NBEA: variants seen among roughly 807,000 people sequenced by gnomAD.
NBEA encodes lysosomal-trafficking regulator 2.
In NBEA, 44 loss-of-function variants were observed where a neutral mutation model predicts 343.4. The ratio of observed to expected loss-of-function variants is 0.13; its 90% CI spans 0.10 to 0.16. The LOEUF (loss-of-function observed/expected upper bound fraction) is 0.16, where lower values mean the gene tolerates loss of function less well. Ranked by LOEUF, NBEA falls within the 10% of genes least tolerant of loss-of-function variation. The probability of loss-of-function intolerance (pLI) is 1.00; values close to 1 mark genes in which losing one functional copy is unlikely to be tolerated. For synonymous variants in NBEA, 1,175 were observed against 1,238.7 expected (o/e 0.95, Z 1.08); for missense variants, 2,555 against 3,631.3 (o/e 0.70, Z 7.62).
At chr13:35,234,792 A>G (rs976078752) in intron 34 of NBEA, among the ~76,000 whole-genome samples, 2 of 152,196 alleles carry the variant, frequency 1.3e-5, no homozygotes, top group African/African-American at 4.8e-5. Flanking sequence ...GTTACCTAGC[A>G]TAGACATCTA....
chr13:35,203,368 C>T (rs2073149758), intron 31 of NBEA, among the ~76,000 whole-genome samples: 1 of 152,100 alleles, frequency 6.6e-6, no homozygotes, highest in African/African-American at 2.4e-5. Context: ...ATTCTTTCAC[C>T]CCCTTCAGTG....
At chr13:34,976,536 A>C (rs1163422966) in intron 1 of NBEA, among the ~76,000 whole-genome samples, 1 of 152,206 alleles carries the variant, frequency 6.6e-6, no homozygotes, top group Non-Finnish European at 1.5e-5. Context: ...TTATTTATGT[A>C]ACTCAACATC....
chr13:35,143,293 A>G (rs1312943244), intron 18 of NBEA, among the ~76,000 whole-genome samples: 3 of 152,204 alleles, frequency 2.0e-5, no homozygotes, highest in African/African-American at 7.2e-5. Flanking sequence ...TGCTCTCCTC[A>G]CCTTGCACTG....
At chr13:35,615,187 C>A (rs1448074841) in intron 48 of NBEA, among the ~76,000 whole-genome samples, 1 of 147,344 alleles carries the variant, frequency 6.8e-6, no homozygotes, top group African/African-American at 2.5e-5. Context: ...GTCCCAGTTA[C>A]TCGGGAGGCT....
chr13:35,006,681 A>T (rs531730023), intron 1 of NBEA, among the ~76,000 whole-genome samples: 17 of 152,222 alleles, frequency 1.1e-4, no homozygotes, highest in African/African-American at 3.9e-4. Flanking sequence ...GCAATTTTTA[A>T]ATTTTTCCTT....
chr13:35,311,482 C>A (rs1175914403), intron 36 of NBEA, among the ~76,000 whole-genome samples: 1 of 151,952 alleles, frequency 6.6e-6, no homozygotes, highest in African/African-American at 2.4e-5. Flanking sequence ...ATGCTTTTGT[C>A]AGTCAGTGGT....
intron 46 of NBEA, among the ~76,000 whole-genome samples, chr13:35,588,370 G>A (rs1386552716): frequency 4.6e-5 from 7 of 152,028 alleles, no homozygotes; most frequent in South Asian, 2.1e-4. Context: ...AATAGAAAAT[G>A]CATTAAAATT....
intron 1 of NBEA, among the ~76,000 whole-genome samples, chr13:34,999,281 T>G (rs1291286646): frequency 6.6e-6 from 1 of 152,168 alleles, no homozygotes; most frequent in Admixed American, 6.6e-5. Flanking sequence ...GTGTACAGTG[T>G]GTAGTAATCA....
At chr13:34,975,456 C>T (rs1157142360) in intron 1 of NBEA, among the ~76,000 whole-genome samples, 1 of 152,038 alleles carries the variant, frequency 6.6e-6, no homozygotes, top group Non-Finnish European at 1.5e-5. Flanking sequence ...ATACTTGAAA[C>T]TAAGACCTGA....
chr13:35,367,087 A>G (rs1007494765), intron 38 of NBEA, among the ~76,000 whole-genome samples: 9 of 151,314 alleles, frequency 5.9e-5, no homozygotes, highest in African/African-American at 2.2e-4. Flanking sequence ...AAAGTATGCT[A>G]TATAATGTGA....
chr13:35,545,895 A>G (rs1383655731), intron 41 of NBEA, among the ~76,000 whole-genome samples: 1 of 152,232 alleles, frequency 6.6e-6, no homozygotes, highest in Non-Finnish European at 1.5e-5. Context: ...TTGGTGGACT[A>G]TACCATTAGG....
intron 41 of NBEA, among the ~76,000 whole-genome samples, chr13:35,522,664 A>G (rs2152993470): frequency 6.6e-6 from 1 of 152,006 alleles, no homozygotes; most frequent in African/African-American, 2.4e-5. Flanking sequence ...GGTGAGCAGC[A>G]GGCAAGGAAG....
At chr13:35,404,931 A>G (rs1189643117) in intron 38 of NBEA, among the ~76,000 whole-genome samples, 4 of 152,106 alleles carry the variant, frequency 2.6e-5, no homozygotes, top group Non-Finnish European at 5.9e-5. Context: ...GAAGAATAGC[A>G]TAGAACTTGG....
intron 38 of NBEA, among the ~76,000 whole-genome samples, chr13:35,385,214 G>A (rs1180123684): frequency 6.6e-6 from 1 of 151,994 alleles, no homozygotes; most frequent in African/African-American, 2.4e-5. Flanking sequence ...TGTATTACTT[G>A]TAGAGTACTT....
chr13:35,302,568 C>G (rs1199460029), intron 35 of NBEA, among the ~76,000 whole-genome samples: 1 of 152,074 alleles, frequency 6.6e-6, no homozygotes, highest in Non-Finnish European at 1.5e-5. Context: ...TGTGCCCCAG[C>G]CATATCATAT....
At chr13:35,019,051 G>GTT (rs879547494) in intron 1 of NBEA, among the ~76,000 whole-genome samples, 3 of 144,120 alleles carry the variant, frequency 2.1e-5, no homozygotes, top group African/African-American at 2.5e-5. Context: ...TGTCATTTGA[G>GTT]TTTTTTTTTT....
chr13:35,323,405 G>T (rs1344442401), intron 36 of NBEA, among the ~76,000 whole-genome samples: 1 of 152,054 alleles, frequency 6.6e-6, no homozygotes, highest in African/African-American at 2.4e-5. Context: ...ATGAGTTCAT[G>T]TCCTTTGTAG....
intron 48 of NBEA, among the ~76,000 whole-genome samples, chr13:35,614,331 C>A (rs1298838550): frequency 6.6e-6 from 1 of 152,088 alleles, no homozygotes; most frequent in Non-Finnish European, 1.5e-5. Flanking sequence ...AGTTTATCAT[C>A]CTGAGTACCC....
chr13:35,390,451 A>G (rs768737106), intron 38 of NBEA, among the ~76,000 whole-genome samples: 16 of 152,184 alleles, frequency 1.1e-4, no homozygotes, highest in Admixed American at 2.0e-4. Flanking sequence ...CAAACTGGAA[A>G]CTAGTAGAAT....
Sources: allele counts gnomAD v4.1 joint callset (sites outside exome capture counted in the v4.1 genomes callset), GRCh38; gene constraint gnomAD v4.1.1; transcripts MANE v1.5; gene names NCBI Gene and HGNC (gene_info 2026-07-23, HGNC 2026-07-21).